Variants in TNS3 observed in about 807,000 individuals in gnomAD.
The protein encoded by TNS3 is tensin-3.
TNS3 carries 45 observed loss-of-function variants against 140.9 expected under a neutral mutation model. That is an observed-to-expected ratio of 0.32 (90% confidence interval 0.25 to 0.41). The LOEUF (loss-of-function observed/expected upper bound fraction) is 0.41, where lower values mean the gene tolerates loss of function less well. TNS3 is among the 10% of genes least tolerant of loss of function. The pLI is 1.00. For missense variants in TNS3, 1,716 were observed against 1,906.7 expected, an observed-to-expected ratio of 0.90 and a Z score of 1.86; for synonymous variants, 815 against 788.4, an observed-to-expected ratio of 1.03 and a Z score of -0.56.
At chr7:47,526,013 C>A (rs1264925360) in intron 2 of TNS3, among the ~76,000 whole-genome samples, 1 of 152,210 alleles carries the variant, frequency 6.6e-6, no homozygotes, top group Non-Finnish European at 1.5e-5. Flanking sequence ...AGACAATGAT[C>A]CTCCAGATAA....
intron 4 of TNS3, among the ~76,000 whole-genome samples, chr7:47,465,885 T>C (rs1030457878): frequency 4.0e-5 from 6 of 151,302 alleles, no homozygotes; most frequent in East Asian, 1.9e-4. Context: ...GATCACACCA[T>C]TGCACTCCAG....
chr7:47,465,662 C>T (rs891023078), intron 4 of TNS3, among the ~76,000 whole-genome samples: 2 of 152,140 alleles, frequency 1.3e-5, no homozygotes, highest in Non-Finnish European at 2.9e-5. Flanking sequence ...CAATGGCTCA[C>T]GTCTGTAATC....
chr7:47,307,696 A>AT (rs1247740652), intron 20 of TNS3, among the ~76,000 whole-genome samples: 1 of 152,200 alleles, frequency 6.6e-6, no homozygotes, highest in African/African-American at 2.4e-5. Flanking sequence ...ATTAATTACT[A>AT]ATGATGTTGA....
chr7:47,366,809 G>A (rs1008579905), intron 17 of TNS3, among the ~76,000 whole-genome samples: 11 of 151,902 alleles, frequency 7.2e-5, no homozygotes, highest in African/African-American at 2.7e-4. Flanking sequence ...TGCAGCCGGG[G>A]TGCTTAGGAC....
At chr7:47,520,016 G>A (rs188829525) in intron 2 of TNS3, among the ~76,000 whole-genome samples, 2 of 151,546 alleles carry the variant, frequency 1.3e-5, no homozygotes, top group African/African-American at 4.9e-5. Flanking sequence ...TAGTAGAGAC[G>A]GGGTTTCACC....
chr7:47,530,836 AAAATAT>A lies in TNS3; in HGVS notation c.-264-1695_-264-1690del, dbSNP rs1247363522. Reference sequence around the variant, plus strand: ...GAAACTCCATCTCAAAAAAAAAAAAAAAATATATATATATATATATATTTCTAGCAC... The same window carrying A: ...GAAACTCCATCTCAAAAAAAAAAAAAATATATATATATATATTTCTAGCAC... On this transcript the variant is annotated intron_variant, in intron 1 of 30. Transcript: ENST00000311160. 2.0e-3 allele frequency among the ~76,000 whole-genome samples: 67 copies of A among 33,280 alleles called. 1 individual carries two copies. Among genetic ancestry groups the A allele is most frequent in the African/African-American group, 7.1e-3 (53 of 7,438 alleles). 21.8% of individuals were successfully genotyped at this position (33,280 alleles called of 152,430 possible).
At chr7:47,564,644 AAAAAAC>A (rs1460411764) in intron 1 of TNS3, among the ~76,000 whole-genome samples, 1,398 of 35,558 alleles carry the variant, frequency 0.039, 52 homozygotes, top group Admixed American at 0.14. Flanking sequence ...TCAAAAAAAA[AAAAAAC>A]AAAAAAAAAC....
At chr7:47,390,713 C>T (rs939071683) in intron 16 of TNS3, among the ~76,000 whole-genome samples, 5 of 152,210 alleles carry the variant, frequency 3.3e-5, no homozygotes, top group Admixed American at 3.3e-4. Flanking sequence ...TCATCTCCAA[C>T]CCTCAGACAT....
At chr7:47,454,096 TG>T (rs1796144745) in intron 4 of TNS3, among the ~76,000 whole-genome samples, 1 of 152,230 alleles carries the variant, frequency 6.6e-6, no homozygotes, top group Admixed American at 6.5e-5. Flanking sequence ...AGGGCCTCAT[TG>T]GGCCCCCAGC....
chr7:47,313,036 A>T (rs967754815), intron 20 of TNS3, among the ~76,000 whole-genome samples: 2 of 152,208 alleles, frequency 1.3e-5, no homozygotes, highest in Non-Finnish European at 2.9e-5. Flanking sequence ...AGATGAGACC[A>T]TGTGCAAATT....
chr7:47,279,962 A>G, intron 30 of TNS3: 1 of 638,158 alleles, frequency 1.6e-6, no homozygotes. Context: ...TTGCACATCC[A>G]GCCAACAGCC....
Position 47,368,796 on chromosome 7 carries a change from G to T in TNS3, c.1850C>A (p.Ala617Glu). 1.2e-6 allele frequency: 2 copies of T among 1,606,980 alleles called. No homozygotes were observed. Among genetic ancestry groups the T allele is most frequent in the Non-Finnish European group, 8.5e-7 (1 of 1,177,340 alleles). ...GEARLVSRCP[A>E]DNPGLVQAQP... ...GGCCTGGACGAGGCCAGGATTGTCT[G>T]CAGGGCAGCGGCTCACCAGCCGGGC... The change falls in exon 17 of 31, where the codon GCA becomes GAA. Residue 617 changes from alanine (A) to glutamate (E), a missense_variant. By Grantham distance (107) the Ala-to-Glu change is moderately radical. Transcript: ENST00000311160.
chr7:47,461,748 G>T (rs971277091), intron 4 of TNS3, among the ~76,000 whole-genome samples: 1 of 152,240 alleles, frequency 6.6e-6, no homozygotes, highest in Admixed American at 6.5e-5. Context: ...AAATACTGCA[G>T]AAATCAATGA....
intron 13 of TNS3, among the ~76,000 whole-genome samples, chr7:47,402,719 C>T (rs1287195979): frequency 6.6e-6 from 1 of 152,208 alleles, no homozygotes; most frequent in Non-Finnish European, 1.5e-5. Flanking sequence ...ACCCACCTTT[C>T]CCTGTCTGCC....
chr7:47,411,873 A>G (rs1793792360), intron 12 of TNS3, 71 bp from the exon 13 acceptor site: 1 of 1,441,998 alleles, frequency 6.9e-7, no homozygotes, highest in Non-Finnish European at 9.6e-7. Flanking sequence ...ATGTAGAGAA[A>G]AGCAACCCTA....
intron 3 of TNS3, among the ~76,000 whole-genome samples, chr7:47,495,086 G>T (rs1297556079): frequency 6.6e-6 from 1 of 151,622 alleles, no homozygotes. Context: ...AGCTACTCGG[G>T]AGGCTGAGGC....
chr7:47,370,773 G>A (rs1584503387), intron 16 of TNS3, among the ~76,000 whole-genome samples: 2 of 152,176 alleles, frequency 1.3e-5, no homozygotes, highest in African/African-American at 2.4e-5. Context: ...GGAAGCCCAC[G>A]CTGCGTGGGC....
chr7:47,501,613 G>T (rs529912819), intron 3 of TNS3, among the ~76,000 whole-genome samples: 2 of 152,244 alleles, frequency 1.3e-5, no homozygotes, highest in African/African-American at 4.8e-5. Flanking sequence ...GAGAGCTCAG[G>T]GTCAGCAAAG....
intron 1 of TNS3, among the ~76,000 whole-genome samples, chr7:47,564,821 C>A (rs549007556): frequency 5.4e-4 from 82 of 152,012 alleles, no homozygotes; most frequent in Non-Finnish European, 7.1e-4. Flanking sequence ...CTCCCCGACC[C>A]TATCCTCATT....
Sources: allele counts gnomAD v4.1 joint callset (sites outside exome capture counted in the v4.1 genomes callset), GRCh38; gene constraint gnomAD v4.1.1; transcripts MANE v1.5; gene names NCBI Gene and HGNC (gene_info 2026-07-23, HGNC 2026-07-21).